Variants in PWP1 observed in about 807,000 individuals in gnomAD.
PWP1 encodes the protein periodic tryptophan protein 1 homolog.
Under a neutral mutation model 69.9 loss-of-function variants are expected in PWP1, and 47 were observed. The ratio of observed to expected loss-of-function variants is 0.67; its 90% CI spans 0.53 to 0.86. PWP1 has a LOEUF of 0.86. Ranked by LOEUF, PWP1 falls within the 40% of genes least tolerant of loss-of-function variation. The pLI is 0.00. For missense variants in PWP1, 551 were observed against 608.8 expected (o/e 0.91, Z 1.00); for synonymous variants, 222 against 208.2 (o/e 1.07, Z -0.57).
chr12:107,698,233 G>A (rs2136278113), intron 7 of PWP1, among the ~76,000 whole-genome samples: 1 of 152,300 alleles, frequency 6.6e-6, no homozygotes. Flanking sequence ...ATGTTGGTGT[G>A]TTCCTGTAAT....
chr12:107,690,949 G>C, intron 3 of PWP1, among the ~76,000 whole-genome samples: 1 of 152,162 alleles, frequency 6.6e-6, no homozygotes, highest in East Asian at 1.9e-4. Context: ...AATAGGACAT[G>C]AGACATGGTC....
At chr12:107,689,842 G>A (rs2136271153) in intron 3 of PWP1, among the ~76,000 whole-genome samples, 1 of 152,300 alleles carries the variant, frequency 6.6e-6, no homozygotes, top group Middle Eastern at 3.4e-3. Context: ...GGGGAATAAA[G>A]TGAGCTGAGA....
At chr12:107,707,711 T>A (rs1889851980) in intron 11 of PWP1, among the ~76,000 whole-genome samples, 1 of 152,182 alleles carries the variant, frequency 6.6e-6, no homozygotes, top group Non-Finnish European at 1.5e-5. Context: ...TTGATGTGTG[T>A]ATGTATGTTG....
In PWP1 at chr12:107,685,907, G is replaced by C. The variant is rs749922675; in HGVS notation, c.8G>C (p.Arg3Pro). ...GCCCTTGACTTGAGGACCATGAACC[G>C]CAGCCGCCAGGTGACGTGCGTGGCC... MN[R>P]SRQVTCVAWV... The change falls in exon 1 of 15, where the codon CGC becomes CCC. Residue 3 changes from arginine to proline, a missense_variant. Transcript: ENST00000412830. The C allele has an allele frequency of 2.6e-5, 42 of 1,613,644 alleles. 1 individual carries two copies. In the African/African-American group the frequency reaches 3.9e-4, roughly 15 times the overall value.
intron 3 of PWP1, 145 bp from the exon 4 acceptor site, chr12:107,692,669 C>A (rs1019061428): frequency 1.5e-6 from 1 of 662,162 alleles, no homozygotes; most frequent in Non-Finnish European, 2.5e-6. Context: ...CTGCTGCTTA[C>A]GTAGTTTCCT....
At chr12:107,687,602 A>G (rs1889394637) in intron 1 of PWP1, among the ~76,000 whole-genome samples, 1 of 152,208 alleles carries the variant, frequency 6.6e-6, no homozygotes, top group African/African-American at 2.4e-5. Context: ...CTTGGACCAA[A>G]TGAGAGAAAT....
chr12:107,700,146 A>G (rs1889677676), intron 8 of PWP1, among the ~76,000 whole-genome samples: 1 of 152,242 alleles, frequency 6.6e-6, no homozygotes, highest in South Asian at 2.1e-4. Flanking sequence ...CCCACAACAC[A>G]TGGGAATTAT....
intron 6 of PWP1, among the ~76,000 whole-genome samples, chr12:107,696,866 A>G (rs1424125181): frequency 6.6e-6 from 1 of 152,212 alleles, no homozygotes; most frequent in Non-Finnish European, 1.5e-5. Flanking sequence ...AAGGTCCCAT[A>G]AAGACTCAGT....
chr12:107,710,444 T>C lies in PWP1; in HGVS notation c.1330T>C (p.Phe444Leu), dbSNP rs1354603662. 1 of 1,613,528 alleles carries C rather than the reference T, an allele frequency of 6.2e-7. No individual in the cohort carries two copies. The highest frequency in any genetic ancestry group is 1.3e-5 in the African/African-American group (1 of 74,858). The change falls in exon 14 of 15, where the codon TTT becomes CTT. Residue 444 changes from phenylalanine to leucine, a missense_variant. Transcript: ENST00000412830. ...TTCTTCATGTTGCCCTGATTTGCCA[T>C]TTATTTATGCCTTTGGAGGTCAAAA... ...FCSSCCPDLPFIYAFGGQKEG... is the reference protein window; with the variant it reads ...FCSSCCPDLPLIYAFGGQKEG...
rs537394120 is a variant in PWP1, at chr12:107,686,113, C to T, written c.72+142C>T. The T allele has an allele frequency of 1.3e-5, 11 of 850,068 alleles. No homozygotes were observed. In the South Asian group the frequency reaches 1.4e-4, roughly 11 times the overall value. The allele number at this position is 850,068 out of a possible 1,614,324, so 52.7% of individuals were successfully genotyped here. The stretch of plus-strand genomic sequence containing the variant: ...GTGAGGGCGGCTTTGCCCGGATTGT[C>T]GCGACTAGAGCTGCAGTTCAGAAGG... On this transcript the variant is annotated intron_variant, in intron 1 of 14. Transcript: ENST00000412830.
chr12:107,711,244 C>T (rs943852419), intron 14 of PWP1, among the ~76,000 whole-genome samples: 3 of 152,182 alleles, frequency 2.0e-5, no homozygotes, highest in Non-Finnish European at 4.4e-5. Context: ...TTGTTTGTGG[C>T]TTAAGAATGC....
chr12:107,710,406 G>T lies in PWP1; in HGVS notation c.1292G>T (p.Gly431Val), dbSNP rs201788507. The change falls in exon 14 of 15, where the codon GGA becomes GTA. Residue 431 changes from glycine to valine, a missense_variant and splice_region_variant. Transcript: ENST00000412830. ...ACCATCTTCCTGTTCTCTCTCTAGG[G>T]AGTTCTCTTCTGTTCTTCATGTTGC... is the stretch of plus-strand genomic sequence containing the variant. ...SLVHSRDMKM[G>V]VLFCSSCCPD... 1 of 1,613,396 alleles carries T rather than the reference G, an allele frequency of 6.2e-7. No homozygotes were observed. The highest frequency in any genetic ancestry group is 1.1e-5 in the South Asian group (1 of 91,064).
rs768115605 is a variant in PWP1, at chr12:107,692,838, T to C, written c.344T>C (p.Leu115Pro). Reference protein sequence around the residue: ...DPDAETLGESLLGLTVYGSND... With the variant: ...DPDAETLGESPLGLTVYGSND... The stretch of plus-strand genomic sequence containing the variant: ...GATGCTGAGACTCTTGGTGAATCTC[T>C]CTTGGGTCTTACGGTCTACGGGAGT... The change falls in exon 4 of 15, where the codon CTC becomes CCC. Residue 115 changes from leucine to proline, a missense_variant. Physicochemically the swap from Leu to Pro is moderately conservative, Grantham distance 98. Coordinates refer to ENST00000412830, the MANE Select transcript of PWP1 (RefSeq NM_007062.3). 46 of 1,613,716 alleles carry C rather than the reference T, an allele frequency of 2.9e-5. No homozygotes were observed. The highest frequency in any genetic ancestry group is 2.6e-5 in the Non-Finnish European group (31 of 1,179,784).
intron 10 of PWP1, among the ~76,000 whole-genome samples, chr12:107,704,234 A>C (rs999493193): frequency 6.6e-6 from 1 of 152,244 alleles, no homozygotes; most frequent in African/African-American, 2.4e-5. Context: ...GCAGAATTAC[A>C]AAAGTGCATC....
At chr12:107,712,036 G>A in intron 14 of PWP1, 75 bp from the exon 15 acceptor site, 15 of 1,232,404 alleles carry the variant, frequency 1.2e-5, no homozygotes, top group Non-Finnish European at 1.7e-5. Flanking sequence ...GCACAATTCT[G>A]CATTTTAGTG....
At chr12:107,707,644 TTGAGATAATCA>T (rs1307184144) in intron 11 of PWP1, among the ~76,000 whole-genome samples, 1 of 152,226 alleles carries the variant, frequency 6.6e-6, no homozygotes, top group African/African-American at 2.4e-5. Flanking sequence ...TCTGCATCTA[TTGAGATAATCA>T]TGTGGTTTTT....
intron 10 of PWP1, 66 bp downstream of exon 10, chr12:107,703,812 T>C: frequency 6.9e-7 from 1 of 1,452,514 alleles, no homozygotes; most frequent in East Asian, 2.3e-5. Flanking sequence ...TTTAAGAGTA[T>C]CACTTGGTAC....
At chr12:107,693,465 A>T (rs1335728023) in intron 5 of PWP1, among the ~76,000 whole-genome samples, 9 of 152,106 alleles carry the variant, frequency 5.9e-5, no homozygotes, top group Non-Finnish European at 1.3e-4. Flanking sequence ...GGTGTGAGCC[A>T]CCACACCTGG....
intron 8 of PWP1, among the ~76,000 whole-genome samples, chr12:107,700,627 A>G (rs187750753): frequency 1.4e-4 from 21 of 152,272 alleles, no homozygotes; most frequent in East Asian, 3.9e-4. Context: ...TAATGCTGCT[A>G]TGAATGTGGG....
Sources: gnomAD v4.1 joint callset for allele counts (sites outside exome capture counted in the v4.1 genomes callset) on GRCh38, gnomAD v4.1.1 for gene constraint, MANE v1.5 for transcripts, NCBI Gene and HGNC (gene_info 2026-07-23, HGNC 2026-07-21) for gene names.